Variants in LDB2 observed in about 807,000 individuals in gnomAD.
The protein encoded by LDB2 is LIM domain-binding protein 2.
LDB2 carries 12 observed loss-of-function variants against 44.3 expected under a neutral mutation model. The observed-to-expected ratio is 0.27, with a 90% CI of 0.17 to 0.44. The LOEUF is 0.44. LDB2 is among the 20% of genes least tolerant of loss of function. The probability of loss-of-function intolerance (pLI) is 1.00; values close to 1 mark genes in which losing one functional copy is unlikely to be tolerated. For missense variants in LDB2, 344 were observed against 473.5 expected (o/e 0.73, Z 2.54); for synonymous variants, 164 against 174.8 (o/e 0.94, Z 0.49).
intron 1 of LDB2, chr4:16,889,389 T>G (rs2110502329): frequency 6.6e-6 from 1 of 152,306 alleles, no homozygotes; most frequent in South Asian, 2.1e-4. Flanking sequence ...ATAAATATTT[T>G]TAATCAGAAG....
intron 2 of LDB2, among the ~76,000 whole-genome samples, chr4:16,722,802 T>G (rs554402596): frequency 2.0e-5 from 3 of 152,226 alleles, no homozygotes; most frequent in African/African-American, 7.2e-5. Context: ...AACTCAAGGT[T>G]CTGAGGGTAG....
At chr4:16,585,531 C>A (rs1193904958) in intron 5 of LDB2, among the ~76,000 whole-genome samples, 1 of 152,122 alleles carries the variant, frequency 6.6e-6, no homozygotes, top group African/African-American at 2.4e-5. Context: ...CTCTATGGGG[C>A]AGTATATTGA....
chr4:16,587,341 C>A (rs894881943), intron 4 of LDB2, among the ~76,000 whole-genome samples: 2 of 152,150 alleles, frequency 1.3e-5, no homozygotes, highest in Non-Finnish European at 2.9e-5. Context: ...CTGTACCCAT[C>A]TTATAGATGA....
At chr4:16,608,982 G>T (rs1182033576) in intron 2 of LDB2, among the ~76,000 whole-genome samples, 1 of 152,148 alleles carries the variant, frequency 6.6e-6, no homozygotes, top group Non-Finnish European at 1.5e-5. Flanking sequence ...GGAAACAGCG[G>T]AATTCGGAGG....
intron 2 of LDB2, among the ~76,000 whole-genome samples, chr4:16,598,235 T>G (rs145723468): frequency 6.6e-6 from 1 of 152,346 alleles, no homozygotes; most frequent in African/African-American, 2.4e-5. Context: ...GGGCTACGCC[T>G]TTAAAAGAAC....
chr4:16,832,619 C>CA (rs113968119), intron 1 of LDB2, among the ~76,000 whole-genome samples: 27,375 of 152,106 alleles, frequency 0.18, 2,914 homozygotes, highest in Non-Finnish European at 0.23. Flanking sequence ...CATAATGAAA[C>CA]AAAATTGCAC....
chr4:16,880,709 T>C (rs138628478), intron 1 of LDB2, among the ~76,000 whole-genome samples: 2 of 151,936 alleles, frequency 1.3e-5, no homozygotes, highest in Admixed American at 1.3e-4. Flanking sequence ...ATCGAGACCA[T>C]CCTGGCTAAC....
intron 1 of LDB2, among the ~76,000 whole-genome samples, chr4:16,828,865 G>A (rs564617570): frequency 1.3e-5 from 2 of 152,148 alleles, no homozygotes; most frequent in African/African-American, 4.8e-5. Flanking sequence ...TTTATTAAAA[G>A]TGGAGACACC....
intron 5 of LDB2, among the ~76,000 whole-genome samples, chr4:16,518,781 C>G (rs1264835609): frequency 6.6e-6 from 1 of 152,208 alleles, no homozygotes; most frequent in East Asian, 1.9e-4. Flanking sequence ...AGAGCATGTT[C>G]AATTCACTGC....
intron 5 of LDB2, among the ~76,000 whole-genome samples, chr4:16,558,603 C>T (rs188250741): frequency 0.019 from 2,921 of 152,142 alleles, 39 homozygotes; most frequent in Non-Finnish European, 0.032. Flanking sequence ...CTGAAAGTGA[C>T]GGGGAGAATG....
intron 2 of LDB2, among the ~76,000 whole-genome samples, chr4:16,689,390 C>T (rs1483564579): frequency 6.6e-6 from 1 of 152,214 alleles, no homozygotes; most frequent in East Asian, 1.9e-4. Context: ...CTCCATGAAC[C>T]CTCCCTTTAG....
At chr4:16,541,124 G>A (rs906364928) in intron 5 of LDB2, among the ~76,000 whole-genome samples, 1 of 152,100 alleles carries the variant, frequency 6.6e-6, no homozygotes, top group Non-Finnish European at 1.5e-5. Context: ...CATGTGAAAT[G>A]GTTTGGATAT....
chr4:16,591,874 T>TA, intron 3 of LDB2, among the ~76,000 whole-genome samples: 1 of 87,714 alleles, frequency 1.1e-5, no homozygotes, highest in South Asian at 4.2e-4. Context: ...GAAGTCGGCC[T>TA]TTTTTTTTTT....
At chr4:16,875,152 A>C (rs1374619712) in intron 1 of LDB2, among the ~76,000 whole-genome samples, 2 of 152,186 alleles carry the variant, frequency 1.3e-5, no homozygotes, top group African/African-American at 4.8e-5. Context: ...AATCAATAGC[A>C]GCTGGGGAAA....
chr4:16,690,776 C>T (rs902324699), intron 2 of LDB2, among the ~76,000 whole-genome samples: 1 of 152,014 alleles, frequency 6.6e-6, no homozygotes, highest in African/African-American at 2.4e-5. Flanking sequence ...GGGAAAGAGA[C>T]AAAGTTATGC....
intron 5 of LDB2, among the ~76,000 whole-genome samples, chr4:16,545,219 C>CCCCT (rs889989893): frequency 2.0e-5 from 3 of 151,160 alleles, no homozygotes; most frequent in Non-Finnish European, 4.4e-5. Context: ...TGTTTTTTCC[C>CCCCT]CCCTCCCTCC....
intron 5 of LDB2, among the ~76,000 whole-genome samples, chr4:16,513,580 T>A (rs1722596138): frequency 6.6e-6 from 1 of 152,210 alleles, no homozygotes; most frequent in Non-Finnish European, 1.5e-5. Flanking sequence ...TTTCTCGAAG[T>A]GTGATCTAAG....
chr4:16,701,696 CT>C (rs1234029473), intron 2 of LDB2, among the ~76,000 whole-genome samples: 1 of 152,182 alleles, frequency 6.6e-6, no homozygotes, highest in African/African-American at 2.4e-5. Flanking sequence ...CAGCTGCAGC[CT>C]GTGAGCTAGG....
At chr4:16,683,678 T>C (rs1199111807) in intron 2 of LDB2, among the ~76,000 whole-genome samples, 1 of 152,214 alleles carries the variant, frequency 6.6e-6, no homozygotes, top group East Asian at 1.9e-4. Flanking sequence ...GGTGCCAGGA[T>C]AGATAAAAGT....
Sources: allele counts gnomAD v4.1 joint callset (sites outside exome capture counted in the v4.1 genomes callset), GRCh38; gene constraint gnomAD v4.1.1; transcripts MANE v1.5; gene names NCBI Gene and HGNC (gene_info 2026-07-23, HGNC 2026-07-21).